The following SOX5 variants were observed in gnomAD, a reference collection of about 807,000 sequenced individuals.
SOX5 encodes SRY-box transcription factor 5, also known as transcription factor SOX-5.
Under a neutral mutation model 92.0 loss-of-function variants are expected in SOX5, and 9 were observed. The ratio of observed to expected loss-of-function variants is 0.10; its 90% CI spans 0.06 to 0.17. SOX5 has a LOEUF of 0.17. Among genes scored for constraint, SOX5 ranks in the 10% least tolerant of loss-of-function variants. The pLI is 1.00. For synonymous variants in SOX5, 344 were observed against 336.3 expected (o/e 1.02, Z -0.25); for missense variants, 642 against 944.5 (o/e 0.68, Z 4.20).
intron 4 of SOX5, among the ~76,000 whole-genome samples, chr12:23,997,848 A>G (rs1592179418): frequency 6.6e-6 from 1 of 152,220 alleles, no homozygotes; most frequent in East Asian, 1.9e-4. Flanking sequence ...AAGAAACATT[A>G]GGCAGAGACA....
At chr12:23,979,573 C>T (rs1569368170) in intron 4 of SOX5, among the ~76,000 whole-genome samples, 1 of 150,444 alleles carries the variant, frequency 6.6e-6, no homozygotes, top group Non-Finnish European at 1.5e-5. Flanking sequence ...TTTTACTGGC[C>T]TCCTAAAAAA....
intron 9 of SOX5, among the ~76,000 whole-genome samples, chr12:23,583,725 C>T (rs1950346770): frequency 6.6e-6 from 1 of 152,098 alleles, no homozygotes; most frequent in African/African-American, 2.4e-5. Flanking sequence ...AAATGTAAAT[C>T]TCCAAAAGCT....
At chr12:24,466,870 G>T (rs1211749769) in intron 1 of SOX5, among the ~76,000 whole-genome samples, 1 of 152,170 alleles carries the variant, frequency 6.6e-6, no homozygotes, top group Non-Finnish European at 1.5e-5. Context: ...TGGAATCTCT[G>T]CTCTGGAGTA....
chr12:24,276,456 A>C (rs1215018930), intron 3 of SOX5, among the ~76,000 whole-genome samples: 2 of 152,174 alleles, frequency 1.3e-5, no homozygotes, highest in Non-Finnish European at 2.9e-5. Flanking sequence ...GTGTTTCATT[A>C]TTCTTTTCAG....
At chr12:23,745,216 G>C (rs2093940806) in intron 4 of SOX5, among the ~76,000 whole-genome samples, 1 of 152,220 alleles carries the variant, frequency 6.6e-6, no homozygotes, top group Non-Finnish European at 1.5e-5. Context: ...TACTGACTTA[G>C]AGAGAGCACT....
At chr12:23,810,604 T>C (rs1370774501) in intron 3 of SOX5, among the ~76,000 whole-genome samples, 1 of 152,150 alleles carries the variant, frequency 6.6e-6, no homozygotes, top group Admixed American at 6.5e-5. Flanking sequence ...AGAGCCAGAA[T>C]TGTGTCGCTT....
At chr12:24,253,716 C>G (rs1940614865) in intron 3 of SOX5, among the ~76,000 whole-genome samples, 1 of 152,068 alleles carries the variant, frequency 6.6e-6, no homozygotes, top group Admixed American at 6.5e-5. Flanking sequence ...ATGGAAAAGA[C>G]CATCTCATAA....
intron 7 of SOX5, among the ~76,000 whole-genome samples, chr12:23,651,921 C>T (rs936512877): frequency 1.1e-4 from 17 of 151,546 alleles, no homozygotes; most frequent in African/African-American, 3.4e-4. Flanking sequence ...TATGGTCTAT[C>T]GATGACCTCA....
chr12:24,104,740 A>G (rs903624514), intron 4 of SOX5, among the ~76,000 whole-genome samples: 3 of 152,182 alleles, frequency 2.0e-5, no homozygotes, highest in African/African-American at 7.2e-5. Context: ...GCCAAAGGGC[A>G]TTTTTGCAGA....
At chr12:24,294,713 G>A (rs751456669) in intron 2 of SOX5, among the ~76,000 whole-genome samples, 2 of 152,168 alleles carry the variant, frequency 1.3e-5, no homozygotes, top group Non-Finnish European at 2.9e-5. Context: ...AGATTGTTAC[G>A]GTGGCTGCAT....
chr12:23,915,198 C>A (rs1400712642), intron 1 of SOX5, among the ~76,000 whole-genome samples: 1 of 152,008 alleles, frequency 6.6e-6, no homozygotes. Context: ...ACATGTAGCA[C>A]CAAATCAAAC....
Position 24,474,271 on chromosome 12 carries a change from C to T in SOX5, c.-251+88058G>A, listed in dbSNP as rs375105634. Among the ~76,000 whole-genome samples, 17 of 152,230 alleles carry T rather than the reference C, an allele frequency of 1.1e-4. No homozygotes were observed. The East Asian group carries it at 2.9e-3, about 26-fold the overall frequency. ...AGATAGATCTTGGTTTAAAAGGTTT[C>T]TCAGACAAAACCCCTTCTAGAATGA... On this transcript the variant is annotated intron_variant, in intron 1 of 4. Coordinates refer to the SOX5 transcript ENST00000446891.
At chr12:23,782,069 T>C (rs1368232305) in intron 3 of SOX5, among the ~76,000 whole-genome samples, 2 of 152,010 alleles carry the variant, frequency 1.3e-5, no homozygotes, top group African/African-American at 2.4e-5. Flanking sequence ...ATGCAACAAA[T>C]GTGAAATGTC....
chr12:24,263,400 G>C (rs963750132), intron 3 of SOX5, among the ~76,000 whole-genome samples: 6 of 150,850 alleles, frequency 4.0e-5, no homozygotes, highest in African/African-American at 1.5e-4. Context: ...TGGTGGCGGG[G>C]GCCTGTAGTC....
chr12:24,516,043 CTT>C (rs375642823), intron 1 of SOX5, among the ~76,000 whole-genome samples: 34 of 138,624 alleles, frequency 2.5e-4, no homozygotes, highest in Admixed American at 2.9e-4. Context: ...TTTTCTTTTC[CTT>C]TTTTTTTTTT....
At chr12:24,156,812 T>TA (rs1952223723) in intron 4 of SOX5, among the ~76,000 whole-genome samples, 1 of 152,136 alleles carries the variant, frequency 6.6e-6, no homozygotes, top group Non-Finnish European at 1.5e-5. Flanking sequence ...TCTACAGCAT[T>TA]AAAAATCTAT....
At chr12:24,044,168 C>T (rs3899208) in intron 4 of SOX5, among the ~76,000 whole-genome samples, 94,742 of 151,974 alleles carry the variant, frequency 0.62, 30,242 homozygotes, top group Non-Finnish European at 0.7. Context: ...TATATGTATA[C>T]GCAAAATGTA....
chr12:23,785,235 C>T (rs984295318), intron 3 of SOX5, among the ~76,000 whole-genome samples: 2 of 152,144 alleles, frequency 1.3e-5, no homozygotes, highest in African/African-American at 4.8e-5. Context: ...TGTTCCCCAA[C>T]CTGAGAGCTT....
chr12:24,020,538 T>G (rs1225845528), intron 4 of SOX5, among the ~76,000 whole-genome samples: 2 of 152,166 alleles, frequency 1.3e-5, no homozygotes, highest in Admixed American at 6.6e-5. Flanking sequence ...GGCTAAGGTC[T>G]GCTATCATTC....
Sources: allele counts gnomAD v4.1 joint callset (sites outside exome capture counted in the v4.1 genomes callset), GRCh38; gene constraint gnomAD v4.1.1; transcripts MANE v1.5; gene names NCBI Gene and HGNC (gene_info 2026-07-23, HGNC 2026-07-21).